Variants in THOC2 observed in about 807,000 individuals in gnomAD.
THOC2 encodes THO complex 2.
Under a neutral mutation model 128.4 loss-of-function variants are expected in THOC2, and 10 were observed. The ratio of observed to expected loss-of-function variants is 0.08; its 90% CI spans 0.05 to 0.13. The LOEUF (loss-of-function observed/expected upper bound fraction) is 0.13. Among genes scored for constraint, THOC2 ranks in the 10% least tolerant of loss-of-function variants. THOC2 has a pLI of 1.00. For synonymous variants in THOC2, 393 were observed against 396.9 expected, an observed-to-expected ratio of 0.99 and a Z score of 0.12; for missense variants, 535 against 1,155.7, an observed-to-expected ratio of 0.46 and a Z score of 7.79.
At chrX:123,638,174 T>G (rs745567989) in intron 17 of THOC2, 51 bp from the exon 18 acceptor site, 2 of 853,019 alleles carry the variant, frequency 2.3e-6, no homozygotes, top group South Asian at 2.7e-5. Context: ...ATAAAGACCC[T>G]TAAAACATGA....
At chrX:123,675,209 T>C (rs1451381267) in intron 8 of THOC2, among the ~76,000 whole-genome samples, 1 of 112,026 alleles carries the variant, frequency 8.9e-6, no homozygotes, top group Non-Finnish European at 1.9e-5. Flanking sequence ...TTTCAGTTAT[T>C]GTACTTTTCA....
chrX:123,625,564 G>C (rs752562157), intron 25 of THOC2, among the ~76,000 whole-genome samples: 2 of 107,469 alleles, frequency 1.9e-5, no homozygotes, highest in South Asian at 8.2e-4. Flanking sequence ...ATGGAGAAGA[G>C]AGTTCTACCT....
At chrX:123,720,154 GA>G (rs1323624891) in intron 1 of THOC2, among the ~76,000 whole-genome samples, 1 of 108,322 alleles carries the variant, frequency 9.2e-6, no homozygotes, top group East Asian at 2.9e-4. Context: ...TCAAAAAAAA[GA>G]AAAAAAATAG....
chrX:123,701,108 T>C (rs1404374537), intron 4 of THOC2, among the ~76,000 whole-genome samples: 3 of 111,261 alleles, frequency 2.7e-5, no homozygotes, highest in Admixed American at 1.9e-4. Flanking sequence ...ATCCCAGCAC[T>C]GTGGGAGGCC....
At chrX:123,710,850 C>T (rs764683869) in intron 2 of THOC2, among the ~76,000 whole-genome samples, 4 of 105,412 alleles carry the variant, frequency 3.8e-5, no homozygotes, top group African/African-American at 1.0e-4. Context: ...GTTCGCCGGG[C>T]GTGGTGGCGG....
chrX:123,651,733 C>CG (rs1412614257), intron 12 of THOC2, among the ~76,000 whole-genome samples: 1 of 107,141 alleles, frequency 9.3e-6, no homozygotes, highest in South Asian at 4.5e-4. Context: ...ACGCCCCCCC[C>CG]CCAAGACTAA....
chrX:123,663,491 T>C (rs1353019815), intron 12 of THOC2, among the ~76,000 whole-genome samples: 1 of 108,633 alleles, frequency 9.2e-6, no homozygotes, highest in African/African-American at 3.4e-5. Flanking sequence ...ACTCATAAAA[T>C]TGTAGAAGTT....
chrX:123,664,456 T>G (rs1420671927), intron 12 of THOC2, among the ~76,000 whole-genome samples: 1 of 112,123 alleles, frequency 8.9e-6, no homozygotes, highest in African/African-American at 3.2e-5. Context: ...AATCTACTCA[T>G]CTGACAAAGG....
At chrX:123,640,305 G>T (rs2047861646) in intron 16 of THOC2, among the ~76,000 whole-genome samples, 1 of 111,609 alleles carries the variant, frequency 9.0e-6, no homozygotes. Context: ...TCAAGATGTG[G>T]TATACAAAAT....
chrX:123,656,456 C>CGG (rs1450987706), intron 12 of THOC2, among the ~76,000 whole-genome samples: 2 of 110,070 alleles, frequency 1.8e-5, no homozygotes, highest in African/African-American at 6.6e-5. Flanking sequence ...CACCTGTAAT[C>CGG]TCAGCACTGT....
intron 38 of THOC2, chrX:123,603,487 A>C: frequency 2.0e-5 from 10 of 499,282 alleles, no homozygotes; most frequent in Non-Finnish European, 3.5e-5. Context: ...TGGATGGTGT[A>C]TCTCGAGTAA....
chrX:123,645,424 T>C, intron 12 of THOC2, 49 bp from the exon 13 acceptor site: 2 of 764,697 alleles, frequency 2.6e-6, no homozygotes, highest in Non-Finnish European at 1.9e-6. Flanking sequence ...GTTAAGATTA[T>C]GATGTCACAA....
At chrX:123,690,770 AAAATG>A (rs1403048750) in intron 7 of THOC2, among the ~76,000 whole-genome samples, 1 of 112,515 alleles carries the variant, frequency 8.9e-6, no homozygotes, top group African/African-American at 3.2e-5. Context: ...TGTTTTTAAC[AAAATG>A]AAATGATCTA....
chrX:123,602,011 C>T (rs2046301384), intron 38 of THOC2: 1 of 112,564 alleles, frequency 8.9e-6, no homozygotes, highest in African/African-American at 3.2e-5. Context: ...TTTTCAAATA[C>T]TTCATATTGA....
intron 8 of THOC2, among the ~76,000 whole-genome samples, chrX:123,676,102 CT>C (rs910470447): frequency 8.9e-6 from 1 of 112,511 alleles, no homozygotes; most frequent in African/African-American, 3.2e-5. Context: ...GTAAAAAGCT[CT>C]TTTTCCCCAT....
At position 123,644,671 on chromosome X, in the gene THOC2, C is replaced by T; in HGVS notation, c.1565G>A (p.Arg522His). The part of the protein sequence containing the change: ...FKTFPYQHRY[R>H]LYGQWKNETY... ...TTCATTCTTCCACTGGCCATACAGACGATATCTTAAAAAACGATGAGATGA... is the reference window on the plus strand; with the variant it reads ...TTCATTCTTCCACTGGCCATACAGATGATATCTTAAAAAACGATGAGATGA... The change falls in exon 15 of 39, where the codon CGT (arginine) becomes CAT (histidine). Residue 522 changes from arginine to histidine, a missense_variant. By Grantham distance (29) the Arg-to-His change is conservative. This residue lies in a region of THOC2 where 197 missense variants were observed against 313.4 expected (regional missense o/e 0.63). Transcript: ENST00000245838. 16 of 1,192,993 alleles carry T rather than the reference C, an allele frequency of 1.3e-5. No individual in the cohort carries two copies. The highest frequency in any genetic ancestry group is 3.0e-5 in the East Asian group (1 of 33,583).
intron 38 of THOC2, chrX:123,610,094 C>A (rs1389916937): frequency 9.1e-6 from 1 of 110,179 alleles, no homozygotes; most frequent in Non-Finnish European, 1.9e-5. Context: ...TGTCTGGAAC[C>A]ATTACATTTA....
intron 8 of THOC2, among the ~76,000 whole-genome samples, chrX:123,679,694 A>G (rs770873953): frequency 1.8e-5 from 2 of 112,020 alleles, no homozygotes; most frequent in African/African-American, 6.5e-5. Flanking sequence ...GTCTGTGTAG[A>G]AAGAAGTAGA....
At chrX:123,630,693 A>G (rs1266062936) in intron 22 of THOC2, among the ~76,000 whole-genome samples, 2 of 108,674 alleles carry the variant, frequency 1.8e-5, no homozygotes, top group Non-Finnish European at 3.8e-5. Context: ...GATAGTTTAT[A>G]GAGGGGACAT....
Sources: gnomAD v4.1 joint callset for allele counts (sites outside exome capture counted in the v4.1 genomes callset) on GRCh38, gnomAD v4.1.1 for gene constraint, gnomAD v4.1.1 regional missense constraint, MANE v1.5 for transcripts, NCBI Gene and HGNC (gene_info 2026-07-23, HGNC 2026-07-21) for gene names.